The following ADAM22 variants were observed in gnomAD, a reference collection of about 807,000 sequenced individuals.
The protein encoded by ADAM22 is ADAM metallopeptidase domain 22.
ADAM22 carries 65 observed loss-of-function variants against 144.6 expected under a neutral mutation model. The observed-to-expected ratio is 0.45, with a 90% CI of 0.37 to 0.55. ADAM22 has a LOEUF of 0.55. Ranked by LOEUF, ADAM22 falls within the 20% of genes least tolerant of loss-of-function variation. ADAM22 has a pLI of 0.00. For missense variants in ADAM22, 974 were observed against 1,184.9 expected (o/e 0.82, Z 2.61); for synonymous variants, 391 against 412.6 (o/e 0.95, Z 0.63).
intron 2 of ADAM22, among the ~76,000 whole-genome samples, chr7:87,939,286 A>G (rs991672751): frequency 1.3e-5 from 2 of 152,194 alleles, no homozygotes; most frequent in African/African-American, 4.8e-5. Context: ...CATGGGAATC[A>G]GGGTATGTTT....
chr7:87,999,726 T>TCC (rs1485963850), intron 3 of ADAM22, among the ~76,000 whole-genome samples: 5 of 152,346 alleles, frequency 3.3e-5, no homozygotes, highest in African/African-American at 1.2e-4. Flanking sequence ...ATTAAAATTT[T>TCC]CCATTATTTC....
At chr7:88,012,993 C>CCA (rs1457260234) in intron 3 of ADAM22, among the ~76,000 whole-genome samples, 1 of 152,140 alleles carries the variant, frequency 6.6e-6, no homozygotes, top group Non-Finnish European at 1.5e-5. Flanking sequence ...ACTCGGGGGA[C>CCA]CAGGGAAATC....
intron 4 of ADAM22, among the ~76,000 whole-genome samples, chr7:88,075,987 T>C (rs1814347793): frequency 6.6e-6 from 1 of 152,160 alleles, no homozygotes; most frequent in Admixed American, 6.5e-5. Flanking sequence ...TTACTTTTAA[T>C]GGCAAAAACC....
chr7:88,015,656 C>G (rs1400132466), intron 3 of ADAM22, among the ~76,000 whole-genome samples: 1 of 152,188 alleles, frequency 6.6e-6, no homozygotes, highest in Non-Finnish European at 1.5e-5. Context: ...AAGCAAAGCC[C>G]AGAAAATACT....
chr7:87,962,860 C>T (rs1397945458), intron 2 of ADAM22, among the ~76,000 whole-genome samples: 1 of 152,036 alleles, frequency 6.6e-6, no homozygotes, highest in African/African-American at 2.4e-5. Context: ...AAATAATGCC[C>T]AGGATCATTC....
chr7:88,033,705 C>T (rs1045927328), intron 3 of ADAM22, among the ~76,000 whole-genome samples: 2 of 152,160 alleles, frequency 1.3e-5, no homozygotes, highest in African/African-American at 4.8e-5. Context: ...GAGTCAGAAA[C>T]CTTAGAAATC....
chr7:88,141,194 A>G (rs1834521428), intron 14 of ADAM22, among the ~76,000 whole-genome samples: 1 of 152,214 alleles, frequency 6.6e-6, no homozygotes, highest in Admixed American at 6.5e-5. Context: ...CATTCCACAC[A>G]AAGTGTGGGA....
intron 2 of ADAM22, among the ~76,000 whole-genome samples, chr7:87,964,922 G>A (rs1382895169): frequency 1.3e-5 from 2 of 152,168 alleles, no homozygotes; most frequent in Non-Finnish European, 2.9e-5. Flanking sequence ...TAACCTATGT[G>A]TGCATTGCAA....
intron 3 of ADAM22, among the ~76,000 whole-genome samples, chr7:88,028,213 T>A (rs1275663770): frequency 6.6e-6 from 1 of 152,232 alleles, no homozygotes; most frequent in Non-Finnish European, 1.5e-5. Flanking sequence ...ATTTTAAAAT[T>A]TCCTTCTTTA....
At chr7:88,170,908 C>T (rs1006594876) in intron 25 of ADAM22, among the ~76,000 whole-genome samples, 10 of 151,824 alleles carry the variant, frequency 6.6e-5, no homozygotes, top group South Asian at 2.1e-4. Flanking sequence ...TCATTTAAGT[C>T]GATTTTAGCT....
At chr7:88,079,680 T>C (rs1416549184) in intron 4 of ADAM22, among the ~76,000 whole-genome samples, 2 of 151,848 alleles carry the variant, frequency 1.3e-5, no homozygotes, top group East Asian at 3.9e-4. Context: ...AAACAAAAAA[T>C]GGCAGGGGTT....
intron 3 of ADAM22, among the ~76,000 whole-genome samples, chr7:88,009,069 A>G (rs942419764): frequency 1.3e-5 from 2 of 152,092 alleles, no homozygotes; most frequent in African/African-American, 4.8e-5. Flanking sequence ...TAGTAATGCA[A>G]ATTTTGTGGA....
At position 88,202,097 on chromosome 7, in the gene ADAM22, A is replaced by T. The variant is rs1208012879; in HGVS notation, c.*5606A>T. 1.3e-5 allele frequency: 2 copies of T among 152,234 alleles called. No individual in the cohort carries two copies. The highest frequency in any genetic ancestry group is 6.5e-5 in the Admixed American group (1 of 15,292). The allele number at this position is 152,234 out of a possible 1,614,324, so 9.4% of individuals were successfully genotyped here. A position where few individuals can be genotyped will look rare whatever the true frequency, so the allele number is the denominator to read the frequency against. Reference sequence around the variant, plus strand: ...AGTTCCTGCTAAATTATATATGTGTATCACTGCCTGACTAGAAACCCCACT... The same window carrying T: ...AGTTCCTGCTAAATTATATATGTGTTTCACTGCCTGACTAGAAACCCCACT... On this transcript the variant is annotated 3_prime_UTR_variant, in exon 32 of 32. Transcript: ENST00000413139.
At chr7:88,050,364 C>T (rs1805932674) in intron 3 of ADAM22, among the ~76,000 whole-genome samples, 1 of 151,186 alleles carries the variant, frequency 6.6e-6, no homozygotes. Flanking sequence ...CTGCACTGCA[C>T]TCCAGCCCGG....
chr7:88,184,822 T>C (rs1344401030), intron 29 of ADAM22, among the ~76,000 whole-genome samples: 1 of 152,150 alleles, frequency 6.6e-6, no homozygotes, highest in Non-Finnish European at 1.5e-5. Flanking sequence ...CCTTCTGAAA[T>C]GCTCCCTCAA....
chr7:88,122,434 G>A (rs934853124), intron 7 of ADAM22, among the ~76,000 whole-genome samples: 5 of 152,170 alleles, frequency 3.3e-5, no homozygotes, highest in Non-Finnish European at 7.3e-5. Flanking sequence ...AGTACCAGGA[G>A]GTGGAGACTA....
intron 23 of ADAM22, among the ~76,000 whole-genome samples, chr7:88,164,401 A>G (rs1842482082): frequency 6.6e-6 from 1 of 152,140 alleles, no homozygotes; most frequent in South Asian, 2.1e-4. Flanking sequence ...TAATATAATT[A>G]TGTATTCACA....
chr7:88,075,494 G>GA, intron 3 of ADAM22, 132 bp from the exon 4 acceptor site: 1 of 724,484 alleles, frequency 1.4e-6, no homozygotes, highest in Admixed American at 2.2e-5. Flanking sequence ...GAGAGAGAGA[G>GA]AGAGACCTAT....
chr7:88,164,029 A>T (rs1296137832), intron 23 of ADAM22, among the ~76,000 whole-genome samples: 3 of 152,044 alleles, frequency 2.0e-5, no homozygotes, highest in Admixed American at 2.0e-4. Context: ...ATATTCCAAG[A>T]ATTTATTTAG....
Sources: gnomAD v4.1 joint callset for allele counts (sites outside exome capture counted in the v4.1 genomes callset) on GRCh38, gnomAD v4.1.1 for gene constraint, MANE v1.5 for transcripts, NCBI Gene and HGNC (gene_info 2026-07-23, HGNC 2026-07-21) for gene names.